ANKRD44: variants seen among roughly 807,000 people sequenced by gnomAD.
ANKRD44 encodes serine/threonine-protein phosphatase 6 regulatory ankyrin repeat subunit B.
Under a neutral mutation model 116.0 loss-of-function variants are expected in ANKRD44, and 35 were observed. That is an observed-to-expected ratio of 0.30 (90% CI 0.23 to 0.40). ANKRD44 has a LOEUF of 0.40. Ranked by LOEUF, ANKRD44 falls within the 10% of genes least tolerant of loss-of-function variation. The pLI is 1.00. For missense variants in ANKRD44, 1,014 were observed against 1,242.6 expected, an observed-to-expected ratio of 0.82 and a Z score of 2.77; for synonymous variants, 435 against 461.8, an observed-to-expected ratio of 0.94 and a Z score of 0.74.
chr2:197,054,398 C>G (rs1278183500), intron 16 of ANKRD44, among the ~76,000 whole-genome samples: 1 of 151,270 alleles, frequency 6.6e-6, no homozygotes, highest in East Asian at 1.9e-4. Context: ...AAAAAAAAAT[C>G]ATCAACTATT....
chr2:197,168,336 A>C (rs563833053), intron 2 of ANKRD44, among the ~76,000 whole-genome samples: 1 of 152,352 alleles, frequency 6.6e-6, no homozygotes, highest in African/African-American at 2.4e-5. Flanking sequence ...AGTCTCTGTG[A>C]GATTCTGAAG....
chr2:197,229,444 A>C (rs1308604172), intron 1 of ANKRD44, among the ~76,000 whole-genome samples: 1 of 152,214 alleles, frequency 6.6e-6, no homozygotes, highest in Non-Finnish European at 1.5e-5. Flanking sequence ...ATTTTCCCCA[A>C]AAGGAGTTAT....
At chr2:197,025,323 G>A (rs1558999910) in intron 16 of ANKRD44, 56 bp from the exon 17 acceptor site, 1 of 1,435,854 alleles carries the variant, frequency 7.0e-7, no homozygotes. Flanking sequence ...CAAAATGTTG[G>A]TGTAAATGAG....
Position 197,226,657 on chromosome 2 carries a change from G to A in ANKRD44, c.28-39551C>T, listed in dbSNP as rs900960287. Among the ~76,000 whole-genome samples, 2 of 130,108 alleles carry A rather than the reference G, an allele frequency of 1.5e-5. 1 individual carries two copies. The highest frequency in any genetic ancestry group is 4.9e-5 in the African/African-American group (2 of 40,708). The allele number at this position is 130,108 out of a possible 152,430, so 85.4% of individuals were successfully genotyped here. A position where few individuals can be genotyped will look rare whatever the true frequency, so the allele number is the denominator to read the frequency against. On this transcript the variant is annotated intron_variant, in intron 1 of 27. Coordinates refer to ENST00000282272, the MANE Select transcript of ANKRD44 (RefSeq NM_001195144.2). ...CAGCCTGGCGACAAGAGCAGACTCC[G>A]TCTCAAAAAAAAAAGTTTCCCTGGT...
chr2:197,309,961 C>T (rs1312264255), intron 1 of ANKRD44, among the ~76,000 whole-genome samples: 1 of 152,192 alleles, frequency 6.6e-6, no homozygotes, highest in Non-Finnish European at 1.5e-5. Context: ...TGAGTGGAGG[C>T]TCCGAGCCGA....
chr2:197,261,310 C>T lies in ANKRD44; in HGVS notation c.27+49268G>A, dbSNP rs752934907. ...TTTCTACATATGGCTAGCCAGTTTT[C>T]CCAGCACCATTTATTAAACAGGGAA... is the stretch of plus-strand genomic sequence containing the variant. On this transcript the variant is annotated intron_variant, in intron 1 of 27. Coordinates refer to ENST00000282272, the MANE Select transcript of ANKRD44 (RefSeq NM_001195144.2). 4.2e-3 allele frequency among the ~76,000 whole-genome samples: 634 copies of T among 151,850 alleles called. 4 individuals are homozygous for T. Among genetic ancestry groups the T allele is most frequent in the Middle Eastern group, 0.01 (3 of 294 alleles).
chr2:197,078,719 C>G lies in ANKRD44; in HGVS notation c.1634G>C (p.Arg545Thr). Residue 545 changes from arginine (R) to threonine (T), a missense_variant, in exon 16 of 28, where the codon AGG (arginine) becomes ACG (threonine). By Grantham distance (71) the Arg-to-Thr change is moderately conservative. Coordinates refer to ENST00000282272, the MANE Select transcript of ANKRD44 (RefSeq NM_001195144.2). ...SIHYAAAYGH[R>T]QCLELLLERT... ...ACAACTCACCAATTCCAGACACTGC[C>G]TGTGCCCATAGGCGGCAGCATAATG... The G allele has an allele frequency of 6.2e-7, 1 of 1,611,112 alleles. No individual in the cohort carries two copies. Among genetic ancestry groups the G allele is most frequent in the Non-Finnish European group, 8.5e-7 (1 of 1,178,376 alleles).
intron 16 of ANKRD44, among the ~76,000 whole-genome samples, chr2:197,046,328 T>G (rs1192238147): frequency 3.3e-5 from 5 of 152,218 alleles, no homozygotes; most frequent in Non-Finnish European, 7.3e-5. Flanking sequence ...TGATTCGTAA[T>G]CGGCAAAATC....
intron 1 of ANKRD44, among the ~76,000 whole-genome samples, chr2:197,226,827 A>C (rs145349473): frequency 1.7e-4 from 26 of 152,294 alleles, no homozygotes; most frequent in African/African-American, 5.8e-4. Context: ...ATTAGAACCC[A>C]CATCTTCAGA....
intron 12 of ANKRD44, among the ~76,000 whole-genome samples, chr2:197,087,552 C>T (rs1014597755): frequency 6.6e-6 from 1 of 152,270 alleles, no homozygotes; most frequent in South Asian, 2.1e-4. Context: ...ACTTAGGATG[C>T]TAGAAGTGGC....
chr2:196,989,029 TA>T lies in ANKRD44; in HGVS notation c.*561del. On this transcript the variant is annotated 3_prime_UTR_variant, in exon 28 of 28. Transcript: ENST00000282272. Reference sequence around the variant, plus strand: ...GCAGTAGAAGATGCGTAGCCCTCTCTAACCAACGCGGAAGAACCTGAGGGTC... The same window carrying T: ...GCAGTAGAAGATGCGTAGCCCTCTCTACCAACGCGGAAGAACCTGAGGGTC... The T allele has an allele frequency of 3.0e-6, 3 of 985,412 alleles. No individual in the cohort carries two copies. The highest frequency in any genetic ancestry group is 3.6e-6 in the Non-Finnish European group (3 of 829,970). The allele number at this position is 985,412 out of a possible 1,614,324, so 61.0% of individuals were successfully genotyped here. A position where few individuals can be genotyped will look rare whatever the true frequency, so the allele number is the denominator to read the frequency against.
intron 2 of ANKRD44, chr2:197,147,835 C>T: frequency 2.2e-6 from 1 of 453,550 alleles, no homozygotes; most frequent in Non-Finnish European, 4.4e-6. Context: ...GTCAGTGAGG[C>T]CTTTCTGAGA....
At chr2:197,013,147 T>C (rs775778500) in intron 18 of ANKRD44, among the ~76,000 whole-genome samples, 6 of 152,250 alleles carry the variant, frequency 3.9e-5, no homozygotes, top group African/African-American at 7.2e-5. Flanking sequence ...GAAATAGCCA[T>C]AAAACCTGCT....
In ANKRD44 at chr2:196,987,330, A is replaced by T. The variant is rs2075849434; in HGVS notation, c.*2261T>A. The T allele has an allele frequency of 1.0e-6, 1 of 985,218 alleles. No individual in the cohort carries two copies. 61.0% of individuals were successfully genotyped at this position (985,218 alleles called of 1,614,324 possible). On this transcript the variant is annotated 3_prime_UTR_variant, in exon 28 of 28. Coordinates refer to ENST00000282272, the MANE Select transcript of ANKRD44 (RefSeq NM_001195144.2). ...ATACATTCAAAGAAAAGTTGAAATG[A>T]AAACTCACTGGTATCATATTGCTCT...
Position 196,989,130 on chromosome 2 carries a change from T to G in ANKRD44, c.*461A>C, listed in dbSNP as rs924958681. ...GGCTAGCCCAGGGTCAAGTGTTTTTTTTTTCACTTTTTTTTTGTTATTCTA... is the reference window on the plus strand; with the variant it reads ...GGCTAGCCCAGGGTCAAGTGTTTTTGTTTTCACTTTTTTTTTGTTATTCTA... On this transcript the variant is annotated 3_prime_UTR_variant, in exon 28 of 28. Transcript: ENST00000282272. 4.1e-6 allele frequency: 4 copies of G among 985,242 alleles called. No homozygotes were observed. In the African/African-American group the frequency reaches 7.0e-5, roughly 17 times the overall value. 61.0% of individuals were successfully genotyped at this position (985,242 alleles called of 1,614,324 possible).
At chr2:197,168,530 G>A (rs1463039284) in intron 2 of ANKRD44, among the ~76,000 whole-genome samples, 1 of 152,110 alleles carries the variant, frequency 6.6e-6, no homozygotes, top group African/African-American at 2.4e-5. Context: ...ATTACTACAT[G>A]TGCAGAATAA....
chr2:197,305,718 T>A (rs1232662478), intron 1 of ANKRD44, among the ~76,000 whole-genome samples: 1 of 152,006 alleles, frequency 6.6e-6, no homozygotes, highest in African/African-American at 2.4e-5. Context: ...AAGAGAAGAA[T>A]AAGTTTATTT....
chr2:197,220,643 GA>G (rs1035205159), intron 1 of ANKRD44, among the ~76,000 whole-genome samples: 26 of 151,746 alleles, frequency 1.7e-4, no homozygotes, highest in South Asian at 8.3e-4. Context: ...ATTTCTGGGG[GA>G]AAAAAAATGG....
intron 2 of ANKRD44, among the ~76,000 whole-genome samples, chr2:197,184,145 G>A (rs868841737): frequency 1.3e-5 from 2 of 152,124 alleles, no homozygotes; most frequent in Non-Finnish European, 2.9e-5. Context: ...CAAATAAGTG[G>A]CATCACTAGA....
Sources: gnomAD v4.1 joint callset for allele counts (sites outside exome capture counted in the v4.1 genomes callset) on GRCh38, gnomAD v4.1.1 for gene constraint, MANE v1.5 for transcripts, NCBI Gene and HGNC (gene_info 2026-07-23, HGNC 2026-07-21) for gene names.